The following IFI16 variants were observed in gnomAD, a reference collection of about 807,000 sequenced individuals.
IFI16 encodes the protein interferon gamma inducible protein 16.
A neutral mutation model predicts 68.4 loss-of-function variants in IFI16; 49 were observed. The observed-to-expected ratio is 0.72, with a 90% CI of 0.57 to 0.91. The LOEUF (loss-of-function observed/expected upper bound fraction) is 0.91, where lower values mean the gene tolerates loss of function less well. Among genes scored for constraint, IFI16 ranks in the 40% least tolerant of loss-of-function variants. The pLI, the probability that IFI16 is intolerant of heterozygous loss-of-function variation, is 0.00. For missense variants in IFI16, 878 were observed against 942.9 expected, an observed-to-expected ratio of 0.93 and a Z score of 0.90; for synonymous variants, 307 against 315.0, an observed-to-expected ratio of 0.97 and a Z score of 0.27.
At chr1:159,034,688 G>A (rs1322666744) in intron 7 of IFI16, among the ~76,000 whole-genome samples, 4 of 152,142 alleles carry the variant, frequency 2.6e-5, no homozygotes, top group Non-Finnish European at 4.4e-5. Flanking sequence ...TGGCAACCAC[G>A]TTTCAGATTA....
chr1:159,024,064 C>A (rs1633247), intron 6 of IFI16, among the ~76,000 whole-genome samples: 149,946 of 152,336 alleles, frequency 0.98, 73,845 homozygotes, highest in Middle Eastern at 1. Flanking sequence ...GATAATCTGG[C>A]CCTCTGGGCT....
chr1:159,022,023 G>T (rs1185537996), intron 6 of IFI16, among the ~76,000 whole-genome samples: 1 of 129,580 alleles, frequency 7.7e-6, no homozygotes, highest in African/African-American at 3.0e-5. Flanking sequence ...GAGTGCAGTG[G>T]CGCTATCTCG....
At chr1:159,042,858 C>G (rs1449100623) in intron 7 of IFI16, among the ~76,000 whole-genome samples, 1 of 152,172 alleles carries the variant, frequency 6.6e-6, no homozygotes, top group Admixed American at 6.5e-5. Context: ...GATATCACCC[C>G]CTGTGTTACC....
upstream of IFI16, among the ~76,000 whole-genome samples, chr1:159,002,384 G>A (rs1383838887): frequency 1.4e-5 from 2 of 139,212 alleles, no homozygotes; most frequent in African/African-American, 2.7e-5. Flanking sequence ...ATATATAGTA[G>A]TGTTATAATT....
intron 7 of IFI16, among the ~76,000 whole-genome samples, chr1:159,041,541 A>G (rs1654641677): frequency 6.6e-6 from 1 of 152,128 alleles, no homozygotes; most frequent in African/African-American, 2.4e-5. Context: ...TTACTTATAA[A>G]TACTCCTCAG....
rs568402686 is a variant in IFI16 at position 159,039,685 on chromosome 1, C to G, written c.1330-5612C>G. Among the ~76,000 whole-genome samples, 3 of 152,216 alleles carry G rather than the reference C, an allele frequency of 2.0e-5. No individual in the cohort carries two copies. The South Asian group carries it at 6.2e-4, about 32-fold the overall frequency. On this transcript the variant is annotated intron_variant, in intron 7 of 11. Transcript: ENST00000295809. ...CGAAAACCACAAGACAGAAAAGACT[C>G]AATCTTTTCCTGAGAACCTGGAGGC...
At chr1:159,029,821 C>T (rs942261952) in intron 6 of IFI16, among the ~76,000 whole-genome samples, 2 of 151,948 alleles carry the variant, frequency 1.3e-5, no homozygotes, top group Admixed American at 6.6e-5. Context: ...GCTGGGATTA[C>T]AGGTGCCTGC....
At chr1:159,018,089 G>T (rs567989714) in intron 4 of IFI16, 140 bp from the exon 5 acceptor site, 2 of 654,736 alleles carry the variant, frequency 3.1e-6, no homozygotes, top group Admixed American at 2.9e-5. Context: ...GCCCTGGCTC[G>T]CAATCCCTCT....
chr1:159,000,647 A>AT (rs1224672487), intron 1 of IFI16, among the ~76,000 whole-genome samples: 1 of 152,190 alleles, frequency 6.6e-6, no homozygotes, highest in Non-Finnish European at 1.5e-5. Context: ...TGCAATTTAA[A>AT]TTTTTTGACA....
At chr1:159,032,818 T>A (rs931493618) in intron 7 of IFI16, 127 bp downstream of exon 7, 9 of 779,712 alleles carry the variant, frequency 1.2e-5, no homozygotes, top group African/African-American at 1.8e-5. Context: ...TGAAATTATG[T>A]CACTCAATCA....
At chr1:159,036,696 C>T (rs1365336799) in intron 7 of IFI16, among the ~76,000 whole-genome samples, 2 of 152,180 alleles carry the variant, frequency 1.3e-5, no homozygotes, top group African/African-American at 4.8e-5. Flanking sequence ...GTCTCTGTAT[C>T]ATCCTATGTT....
upstream of IFI16, among the ~76,000 whole-genome samples, chr1:159,001,586 CCT>C (rs1652062133): frequency 6.6e-6 from 1 of 152,054 alleles, no homozygotes; most frequent in Non-Finnish European, 1.5e-5. Flanking sequence ...CATGAACGCC[CCT>C]GTCTTACCAG....
chr1:159,039,744 A>C (rs901769735), intron 7 of IFI16, among the ~76,000 whole-genome samples: 2 of 152,214 alleles, frequency 1.3e-5, no homozygotes, highest in African/African-American at 2.4e-5. Flanking sequence ...TCAATAGAAT[A>C]AAGTCTTCTC....
At chr1:159,008,635 AT>A (rs769091339), upstream of IFI16, among the ~76,000 whole-genome samples, 5 of 152,248 alleles carry the variant, frequency 3.3e-5, no homozygotes, top group Admixed American at 2.6e-4. Context: ...CTGCCTTAAT[AT>A]CCTTCTCTAC....
At chr1:159,053,763 A>G (rs1655507323) in intron 11 of IFI16, 39 bp downstream of exon 11, 3 of 1,511,138 alleles carry the variant, frequency 2.0e-6, no homozygotes, top group Non-Finnish European at 2.7e-6. Flanking sequence ...CCAAGTGGCG[A>G]ATCATTTTGT....
At chr1:159,014,206 G>T (rs1054493717) in intron 1 of IFI16, among the ~76,000 whole-genome samples, 2 of 152,160 alleles carry the variant, frequency 1.3e-5, no homozygotes, top group African/African-American at 4.8e-5. Context: ...AAACTGTAGC[G>T]CTGTAGCAGA....
chr1:159,053,719 A>C lies in IFI16; in HGVS notation c.2272A>C (p.Ile758Leu), dbSNP rs188827319. 1.3e-4 allele frequency: 212 copies of C among 1,612,306 alleles called. 2 individuals carry two copies. In the East Asian group the frequency reaches 4.5e-3, roughly 34 times the overall value. ...GELRSVIHSH[I>L]KVIKTRKNKK... ...GTTGAGATCTGTAATTCATAGTCAC[A>C]TCAAGGTTGGAACTTTATAGGAACA... Residue 758 changes from isoleucine (I) to leucine (L), a missense_variant, in exon 11 of 12, where the codon ATC becomes CTC. Physicochemically the swap from Ile to Leu is conservative, Grantham distance 5. Coordinates refer to ENST00000295809, the MANE Select transcript of IFI16 (RefSeq NM_001376587.1).
In IFI16 at chr1:159,055,077, TAATAA is replaced by T; in HGVS notation, c.*180_*184del. 2.5e-6 allele frequency: 1 copy of T among 404,668 alleles called. No individual in the cohort carries two copies. The highest frequency in any genetic ancestry group is 3.7e-5 in the East Asian group (1 of 26,942). 25.1% of individuals were successfully genotyped at this position (404,668 alleles called of 1,614,324 possible). A position where few individuals can be genotyped will look rare whatever the true frequency, so the allele number is the denominator to read the frequency against. On this transcript the variant is annotated 3_prime_UTR_variant, in exon 12 of 12. Transcript: ENST00000295809. ...TTTTTAATTTTTCATAGTTTTTTTTTAATAAAATGGCATATTTTGCATCTACAACT... is the reference window on the plus strand; with the variant it reads ...TTTTTAATTTTTCATAGTTTTTTTTTAATGGCATATTTTGCATCTACAACT...
intron 11 of IFI16, among the ~76,000 whole-genome samples, chr1:159,054,124 A>G (rs1571903009): frequency 6.6e-6 from 1 of 152,202 alleles, no homozygotes; most frequent in Non-Finnish European, 1.5e-5. Flanking sequence ...ACTGTCTACC[A>G]TAGAGGGTCA....
Sources: allele counts gnomAD v4.1 joint callset (sites outside exome capture counted in the v4.1 genomes callset), GRCh38; gene constraint gnomAD v4.1.1; transcripts MANE v1.5; gene names NCBI Gene and HGNC (gene_info 2026-07-23, HGNC 2026-07-21).